Variants in TRPM5 observed in about 807,000 individuals in gnomAD.
TRPM5 encodes transient receptor potential cation channel subfamily M member 5.
In TRPM5, 121 loss-of-function variants were observed where a neutral mutation model predicts 124.9. The observed-to-expected ratio is 0.97, with a 90% CI of 0.84 to 1.13. TRPM5 has a LOEUF of 1.13. Ranked by LOEUF, TRPM5 falls within the 50% of genes most tolerant of loss-of-function variation. The pLI, the probability that TRPM5 is intolerant of heterozygous loss-of-function variation, is 0.00. For missense variants in TRPM5, 1,643 were observed against 1,589.1 expected (o/e 1.03, Z -0.58); for synonymous variants, 781 against 700.5 (o/e 1.11, Z -1.81).
chr11:2,417,957 G>T, intron 6 of TRPM5, 128 bp from the exon 12 acceptor site: 1 of 1,028,316 alleles, frequency 9.7e-7, no homozygotes, highest in Non-Finnish European at 1.4e-6. Flanking sequence ...CATGCCCACC[G>T]CCCACCGGGC....
Position 2,414,664 on chromosome 11 carries a change from C to T in TRPM5, c.1744+51G>A, listed in dbSNP as rs774544256. 4.1e-5 allele frequency: 61 copies of T among 1,479,676 alleles called. 1 individual carries two copies. In the Admixed American group the frequency reaches 7.5e-4, roughly 18 times the overall value. The allele number at this position is 1,479,676 out of a possible 1,614,324, so 91.7% of individuals were successfully genotyped here. A position where few individuals can be genotyped will look rare whatever the true frequency, so the allele number is the denominator to read the frequency against. Reference sequence around the variant, plus strand: ...CCCAGGACCCTTCGTCCGACCCCTCCGTCACATCCTCCCCCGCGCGCGGGC... The same window carrying T: ...CCCAGGACCCTTCGTCCGACCCCTCTGTCACATCCTCCCCCGCGCGCGGGC... On this transcript the variant is annotated intron_variant, in intron 11 of 23. Transcript: ENST00000155858.
chr11:2,435,009 C>A, the TRPM5 span, among the ~76,000 whole-genome samples: 1 of 152,162 alleles, frequency 6.6e-6, no homozygotes, highest in African/African-American at 2.4e-5. This position sits in a 1 kb window ranked among gnomAD's most constrained non-coding sequence, Gnocchi z 4.1. Flanking sequence ...CTATGCTGCC[C>A]AGACTGGCCT....
chr11:2,414,022 A>AC, intron 12 of TRPM5, 39 bp downstream of exon 17: 2 of 284,702 alleles, frequency 7.0e-6, no homozygotes, highest in Middle Eastern at 1.0e-3. Flanking sequence ...CGCCCACCCC[A>AC]CCCCCTGGCA....
chr11:2,413,499 G>C (rs778940950), exon 13 of TRPM5: 1 of 1,612,076 alleles, frequency 6.2e-7, no homozygotes, highest in Non-Finnish European at 8.5e-7. Flanking sequence ...GGTTGGTATA[G>C]ACGAGGGCGG....
intron 11 of TRPM5, 125 bp downstream of exon 16, chr11:2,414,590 C>T (rs1274439963): frequency 1.5e-6 from 2 of 1,349,214 alleles, no homozygotes; most frequent in East Asian, 2.6e-5. Flanking sequence ...GGAGGAGGCC[C>T]CTGAGGGCAC....
the TRPM5 span, among the ~76,000 whole-genome samples, chr11:2,439,759 G>A: frequency 6.6e-6 from 1 of 152,216 alleles, no homozygotes; most frequent in African/African-American, 2.4e-5. Context: ...ACTGTGGAAA[G>A]CAGTTTGGAG....
intron 20 of TRPM5, 147 bp from the exon 26 acceptor site, chr11:2,406,940 G>A (rs1850334492): frequency 2.9e-6 from 4 of 1,366,254 alleles, no homozygotes; most frequent in Non-Finnish European, 2.0e-6. Context: ...CCCTGTGCAA[G>A]GACGGCCAAG....
intron 6 of TRPM5, 106 bp downstream of exon 11, chr11:2,418,061 G>A (rs1845711172): frequency 4.4e-6 from 5 of 1,132,366 alleles, no homozygotes; most frequent in Admixed American, 2.4e-5. Context: ...CCAGCAGCCT[G>A]AGGTGGGAGG....
the TRPM5 span, among the ~76,000 whole-genome samples, chr11:2,440,660 C>T: frequency 0.021 from 3,160 of 152,150 alleles, 60 homozygotes; most frequent in South Asian, 0.034. This position sits in a 1 kb window ranked among gnomAD's most constrained non-coding sequence, Gnocchi z 5.2. Context: ...TTTTTTTTGT[C>T]CCACCACTAC....
chr11:2,414,093 C>T (rs1300114855), exon 12 of TRPM5: 29 of 1,537,496 alleles, frequency 1.9e-5, no homozygotes, highest in Non-Finnish European at 2.5e-5. Context: ...AAGGCCTTGG[C>T]GTCAGCCTCG....
intron 21 of TRPM5, 66 bp from the exon 27 acceptor site, chr11:2,406,157 C>G (rs769714124): frequency 6.4e-7 from 1 of 1,570,182 alleles, no homozygotes; most frequent in Non-Finnish European, 8.7e-7. Flanking sequence ...GGGAGCCTCC[C>G]CATCCCCCCA....
chr11:2,407,914 T>C lies in TRPM5; in HGVS notation c.2783-2A>G. The C allele has an allele frequency of 6.2e-7, 1 of 1,613,186 alleles. No homozygotes were observed. Among genetic ancestry groups the C allele is most frequent in the South Asian group, 1.1e-5 (1 of 91,040 alleles). The stretch of plus-strand genomic sequence containing the variant: ...GGGTGGAGCAGTTCACACGGGCTTC[T>C]GGAAAGCAAGGGTGCTGTGGGGACC... On this transcript the variant is annotated splice_acceptor_variant, in intron 18 of 23. Transcript: ENST00000155858. LOFTEE classifies it high-confidence loss of function.
At chr11:2,415,275 G>A (rs763749980) in exon 9 of TRPM5, 62 of 1,573,364 alleles carry the variant, frequency 3.9e-5, no homozygotes, top group Non-Finnish European at 4.7e-5. Flanking sequence ...GCCGGCCAGC[G>A]TCAGCCGGGC....
chr11:2,414,009 G>GGGCCCCCCCCCCCCCCCCCCCCCCCCCC, intron 12 of TRPM5, 52 bp downstream of exon 17: 2 of 1,023,732 alleles, frequency 2.0e-6, no homozygotes, highest in East Asian at 2.8e-5. Flanking sequence ...GGCCCAGCTC[G>GGGCCCCCCCCCCCCCCCCCCCCCCCCCC]CCCGCCCACC....
At position 2,411,345 on chromosome 11, in the gene TRPM5, T is replaced by G. The variant is rs771596629; in HGVS notation, c.2782+7A>C. 2.3e-5 allele frequency: 36 copies of G among 1,585,094 alleles called. No homozygotes were observed. Among genetic ancestry groups the G allele is most frequent in the Non-Finnish European group, 3.1e-5 (36 of 1,162,336 alleles). On this transcript the variant is annotated splice_region_variant and intron_variant, in intron 18 of 23. Transcript: ENST00000155858. ...CCTGCCCCTGCCCCCGCTGGCTGTGTGCAAACCATCAATCTCGTCCAGTGG... is the reference window on the plus strand; with the variant it reads ...CCTGCCCCTGCCCCCGCTGGCTGTGGGCAAACCATCAATCTCGTCCAGTGG...
At chr11:2,418,125 C>T (rs760464295) in intron 6 of TRPM5, 42 bp downstream of exon 11, 56 of 1,481,008 alleles carry the variant, frequency 3.8e-5, no homozygotes, top group Non-Finnish European at 4.7e-5. Flanking sequence ...GCCCCACCCC[C>T]GGAGGAGGGG....
chr11:2,406,265 G>A (rs999827877), intron 21 of TRPM5, 174 bp from the exon 27 acceptor site: 2 of 703,816 alleles, frequency 2.8e-6, no homozygotes, highest in Non-Finnish European at 4.9e-6. Flanking sequence ...AGTGCACCTG[G>A]TGCAGTACAG....
chr11:2,439,007 G>A, the TRPM5 span, among the ~76,000 whole-genome samples: 1 of 152,156 alleles, frequency 6.6e-6, no homozygotes, highest in Non-Finnish European at 1.5e-5. Context: ...AGAATAGAGA[G>A]CCCAGAAGTA....
exon 16 of TRPM5, chr11:2,412,202 C>T (rs1183909932): frequency 1.2e-6 from 2 of 1,613,632 alleles, no homozygotes. Context: ...TTGTCCCCCA[C>T]ATACAGTGTG....
Sources: allele counts gnomAD v4.1 joint callset (sites outside exome capture counted in the v4.1 genomes callset), GRCh38; gene constraint gnomAD v4.1.1; non-coding constraint Gnocchi (gnomAD v3.1); transcripts MANE v1.5; gene names NCBI Gene and HGNC (gene_info 2026-07-23, HGNC 2026-07-21).